ABCC1: variants seen among roughly 807,000 people sequenced by gnomAD.
ABCC1 encodes the protein multidrug resistance-associated protein 1.
Under a neutral mutation model 172.9 loss-of-function variants are expected in ABCC1, and 83 were observed. That is an observed-to-expected ratio of 0.48 (90% CI 0.40 to 0.58). ABCC1 has a LOEUF of 0.58. Ranked by LOEUF, ABCC1 falls within the 20% of genes least tolerant of loss-of-function variation. The probability of loss-of-function intolerance (pLI) is 0.00; values close to 1 mark genes in which losing one functional copy is unlikely to be tolerated. For synonymous variants in ABCC1, 937 were observed against 825.2 expected (o/e 1.14, Z -2.32); for missense variants, 1,817 against 2,002.7 (o/e 0.91, Z 1.77).
Position 15,994,280 on chromosome 16 carries a change from A to G in ABCC1, c.49-13536A>G, listed in dbSNP as rs2046975457. On this transcript the variant is annotated intron_variant, in intron 1 of 30. Transcript: ENST00000399410. Reference sequence around the variant, plus strand: ...GCCTTAGAGTTCAAGCACGTGGTTTAGAGGTGGTGGATCTCAGTGTCAGAC... The same window carrying G: ...GCCTTAGAGTTCAAGCACGTGGTTTGGAGGTGGTGGATCTCAGTGTCAGAC... Among the ~76,000 whole-genome samples the G allele has an allele frequency of 2.6e-5, 4 of 152,172 alleles. No individual in the cohort carries two copies. In the South Asian group the frequency reaches 8.3e-4, roughly 32 times the overall value.
intron 1 of ABCC1, among the ~76,000 whole-genome samples, chr16:15,974,780 A>G (rs1481320140): frequency 1.3e-5 from 2 of 152,018 alleles, no homozygotes; most frequent in African/African-American, 4.8e-5. Flanking sequence ...AATAGCTTCT[A>G]GTTTCTTTCT....
At chr16:16,121,876 G>C (rs483352861) in intron 23 of ABCC1, 99 bp from the exon 24 acceptor site, 4 of 1,325,664 alleles carry the variant, frequency 3.0e-6, no homozygotes, top group Non-Finnish European at 4.2e-6. Context: ...GCCTCCTGGA[G>C]GTATCGGTTA....
At chr16:16,108,525 T>A (rs1359215670) in intron 21 of ABCC1, among the ~76,000 whole-genome samples, 1 of 151,142 alleles carries the variant, frequency 6.6e-6, no homozygotes, top group East Asian at 1.9e-4. Context: ...TGCCTCAGCC[T>A]CCCAAAGAGC....
chr16:16,026,550 CTG>C (rs1322711824), intron 5 of ABCC1, among the ~76,000 whole-genome samples: 1 of 121,852 alleles, frequency 8.2e-6, no homozygotes, highest in Non-Finnish European at 1.6e-5. Context: ...ATCTGAAAAT[CTG>C]TGTTTAGATC....
intron 16 of ABCC1, among the ~76,000 whole-genome samples, chr16:16,080,789 G>T (rs902898707): frequency 6.6e-6 from 1 of 152,178 alleles, no homozygotes; most frequent in Non-Finnish European, 1.5e-5. Context: ...GTACTTGTCC[G>T]CACCTCTTTA....
intron 1 of ABCC1, among the ~76,000 whole-genome samples, chr16:15,990,932 G>T (rs576824719): frequency 7.3e-4 from 111 of 151,890 alleles, no homozygotes; most frequent in African/African-American, 2.5e-3. Context: ...CAAAGCGGTG[G>T]GATTACAGGT....
chr16:16,108,273 C>CTTTTTT (rs79826916), intron 21 of ABCC1, among the ~76,000 whole-genome samples: 9 of 106,306 alleles, frequency 8.5e-5, no homozygotes, highest in Non-Finnish European at 7.7e-5. Context: ...TTCTTTGTGT[C>CTTTTTT]TTTTTTTTTT....
intron 5 of ABCC1, among the ~76,000 whole-genome samples, chr16:16,021,669 A>G (rs1399549580): frequency 6.6e-6 from 1 of 152,198 alleles, no homozygotes; most frequent in Non-Finnish European, 1.5e-5. Flanking sequence ...GTGAGCTGAG[A>G]TCGCTCCAGT....
rs1471688416 is a variant in ABCC1 at position 16,033,095 on chromosome 16, T to C, written c.616-14T>C. 6 of 1,613,682 alleles carry C rather than the reference T, an allele frequency of 3.7e-6. No homozygotes were observed. Among genetic ancestry groups the C allele is most frequent in the Non-Finnish European group, 4.2e-6 (5 of 1,179,748 alleles). On this transcript the variant is annotated splice_polypyrimidine_tract_variant and intron_variant, in intron 5 of 30. Transcript: ENST00000399410. ...TTCCCTCTTCCTCCCAAACCTGTGC[T>C]TTCTTTCCACTAGAATCCCTGCCCA...
chr16:15,990,061 T>C (rs2046823305), intron 1 of ABCC1, among the ~76,000 whole-genome samples: 1 of 151,842 alleles, frequency 6.6e-6, no homozygotes, highest in Admixed American at 6.6e-5. Context: ...AATTTTTTTT[T>C]GTTTTGTTTT....
At chr16:16,047,989 C>T (rs577645446) in intron 9 of ABCC1, among the ~76,000 whole-genome samples, 153 bp from the exon 10 acceptor site, 2 of 152,288 alleles carry the variant, frequency 1.3e-5, no homozygotes, top group Admixed American at 6.5e-5. Context: ...ATGACACAGG[C>T]GTCCTGGGCA....
chr16:16,022,784 A>C (rs2048237432), intron 5 of ABCC1, among the ~76,000 whole-genome samples: 1 of 152,198 alleles, frequency 6.6e-6, no homozygotes, highest in African/African-American at 2.4e-5. Flanking sequence ...GAAAAGTCGA[A>C]AGAATTCTAC....
At chr16:16,060,630 T>C (rs2049870275) in intron 12 of ABCC1, among the ~76,000 whole-genome samples, 1 of 152,038 alleles carries the variant, frequency 6.6e-6, no homozygotes, top group Non-Finnish European at 1.5e-5. Flanking sequence ...CAAGCAATTC[T>C]CCTGCCTCAG....
chr16:16,034,477 T>C (rs1389673528), intron 6 of ABCC1, among the ~76,000 whole-genome samples: 2 of 152,174 alleles, frequency 1.3e-5, no homozygotes. Flanking sequence ...CATTCATTCT[T>C]GTTTTGGAAA....
intron 1 of ABCC1, among the ~76,000 whole-genome samples, chr16:15,971,002 A>G (rs2046356658): frequency 2.0e-5 from 3 of 152,080 alleles, no homozygotes. Context: ...CTTTGGTAAG[A>G]GTTTGTTTGT....
intron 6 of ABCC1, 58 bp downstream of exon 6, chr16:16,033,228 TGAAC>T: frequency 6.8e-7 from 1 of 1,475,812 alleles, no homozygotes; most frequent in Non-Finnish European, 9.5e-7. Flanking sequence ...AATGAATGAA[TGAAC>T]GAATGAACAT....
intron 20 of ABCC1, among the ~76,000 whole-genome samples, chr16:16,103,613 G>C (rs1220592495): frequency 1.3e-5 from 2 of 152,020 alleles, no homozygotes; most frequent in African/African-American, 4.8e-5. Flanking sequence ...AGCAGCAGCA[G>C]CAGAAAACAG....
intron 27 of ABCC1, 88 bp from the exon 28 acceptor site, chr16:16,134,262 G>C (rs2045826722): frequency 6.5e-7 from 1 of 1,533,372 alleles, no homozygotes; most frequent in South Asian, 1.2e-5. Flanking sequence ...ACTGATGCCT[G>C]AGGTGGGGCC....
At position 16,114,850 on chromosome 16, in the gene ABCC1, G is replaced by T. The variant is rs2044781989; in HGVS notation, c.3164G>T (p.Ser1055Ile). The T allele has an allele frequency of 6.8e-6, 11 of 1,613,946 alleles. No individual in the cohort carries two copies. The highest frequency in any genetic ancestry group is 9.3e-6 in the Non-Finnish European group (11 of 1,179,912). The change falls in exon 23 of 31, where the codon AGC becomes ATC. Residue 1055 changes from serine (S) to isoleucine (I), a missense_variant. By Grantham distance (142) the Ser-to-Ile change is moderately radical. Around this residue, in one of 3 missense-constraint regions of ABCC1, gnomAD observed 1,412 missense variants for 1,600.3 expected, o/e 0.88. Coordinates refer to ENST00000399410, the MANE Select transcript of ABCC1 (RefSeq NM_004996.4). ...SRCLHVDLLH[S>I]ILRSPMSFFE... Reference sequence around the variant, plus strand: ...TGTCTGCACGTGGACCTGCTGCACAGCATCCTGCGGTCACCCATGAGCTTC... The same window carrying T: ...TGTCTGCACGTGGACCTGCTGCACATCATCCTGCGGTCACCCATGAGCTTC...
Sources: allele counts gnomAD v4.1 joint callset (sites outside exome capture counted in the v4.1 genomes callset), GRCh38; gene constraint gnomAD v4.1.1; regional missense constraint gnomAD v4.1.1; transcripts MANE v1.5; gene names NCBI Gene and HGNC (gene_info 2026-07-23, HGNC 2026-07-21).